TMED3: variants seen among roughly 807,000 people sequenced by gnomAD.
The protein encoded by TMED3 is transmembrane p24 trafficking protein 3, also known as transmembrane emp24 domain-containing protein 3.
A neutral mutation model predicts 15.0 loss-of-function variants in TMED3; 9 were observed. That is an observed-to-expected ratio of 0.60 (90% confidence interval 0.36 to 1.04). The LOEUF is 1.04. Among genes scored for constraint, TMED3 ranks in the 50% least tolerant of loss-of-function variants. The probability of loss-of-function intolerance (pLI) is 0.01; values close to 1 mark genes in which losing one functional copy is unlikely to be tolerated. For synonymous variants in TMED3, 117 were observed against 121.4 expected, an observed-to-expected ratio of 0.96 and a Z score of 0.24; for missense variants, 267 against 278.9, an observed-to-expected ratio of 0.96 and a Z score of 0.30.
chr15:79,324,663 G>T (rs759080478), downstream of TMED3, among the ~76,000 whole-genome samples: 1 of 152,136 alleles, frequency 6.6e-6, no homozygotes, highest in Non-Finnish European at 1.5e-5. Flanking sequence ...CTTTAAAAAT[G>T]TATGAGGCTT....
intron 2 of TMED3, chr15:79,315,874 G>T (rs2058738354): frequency 6.6e-6 from 1 of 152,264 alleles, no homozygotes; most frequent in Admixed American, 6.5e-5. Context: ...AAGGAGCGCA[G>T]CCCTGCAAGC....
chr15:79,314,454 A>G (rs144723711), intron 2 of TMED3: 1 of 434,840 alleles, frequency 2.3e-6, no homozygotes, highest in African/African-American at 2.0e-5. Flanking sequence ...TGCATAATCT[A>G]GAAAAGGTTG....
At chr15:79,312,099 G>A (rs2058718200) in intron 1 of TMED3, among the ~76,000 whole-genome samples, 2 of 152,170 alleles carry the variant, frequency 1.3e-5, no homozygotes, top group South Asian at 4.1e-4. Flanking sequence ...AGTCTGCCCC[G>A]ATATTTAGTG....
chr15:79,328,798 G>A (rs1342856720), intron 2 of TMED3, among the ~76,000 whole-genome samples: 1 of 152,170 alleles, frequency 6.6e-6, no homozygotes, highest in East Asian at 1.9e-4. Context: ...GGGGTGGGAG[G>A]ACACTGTAGC....
chr15:79,408,026 C>T (rs753575539), intron 2 of TMED3, among the ~76,000 whole-genome samples: 7 of 152,138 alleles, frequency 4.6e-5, no homozygotes, highest in African/African-American at 1.7e-4. Context: ...TTTACAAAGT[C>T]GTTGGAAAGA....
chr15:79,350,149 G>A (rs575123191), intron 2 of TMED3, among the ~76,000 whole-genome samples: 1 of 152,326 alleles, frequency 6.6e-6, no homozygotes, highest in East Asian at 1.9e-4. Flanking sequence ...AGGATGAATA[G>A]ATGGATAGAT....
intron 2 of TMED3, among the ~76,000 whole-genome samples, chr15:79,328,493 G>A (rs56187830): frequency 6.6e-6 from 1 of 152,078 alleles, no homozygotes; most frequent in African/African-American, 2.4e-5. Flanking sequence ...CCTGGGACGC[G>A]ACCTTTGGTT....
At position 79,313,815 on chromosome 15, in the gene TMED3, C is replaced by T. The variant is rs767990446; in HGVS notation, c.227C>T (p.Thr76Ile). Reference sequence around the variant, plus strand: ...TATGTAGAGGACCCCCAGGGGAACACCATCTACAGAGAAACGAAGAAGCAG... The same window carrying T: ...TATGTAGAGGACCCCCAGGGGAACATCATCTACAGAGAAACGAAGAAGCAG... ...DCYVEDPQGN[T>I]IYRETKKQYD... Residue 76 changes from threonine (T) to isoleucine (I), a missense_variant, in exon 2 of 3, where the codon ACC (threonine) becomes ATC (isoleucine). Coordinates refer to ENST00000299705, the MANE Select transcript of TMED3 (RefSeq NM_007364.4). 1.1e-5 allele frequency: 17 copies of T among 1,614,076 alleles called. No homozygotes were observed. In the African/African-American group the frequency reaches 1.7e-4, roughly 16 times the overall value.
At chr15:79,347,680 G>A (rs960220926) in intron 2 of TMED3, among the ~76,000 whole-genome samples, 4 of 152,226 alleles carry the variant, frequency 2.6e-5, no homozygotes, top group Non-Finnish European at 2.9e-5. Flanking sequence ...GAACTTCAGC[G>A]TAGTCTCAGC....
chr15:79,413,628 T>A (rs1894025160), exon 3 of TMED3: 1 of 152,242 alleles, frequency 6.6e-6, no homozygotes, highest in East Asian at 1.9e-4. Context: ...GATCATGTGC[T>A]AGGTACTGGG....
At chr15:79,395,222 C>A (rs10438295) in intron 2 of TMED3, among the ~76,000 whole-genome samples, 22,153 of 152,118 alleles carry the variant, frequency 0.15, 1,712 homozygotes, top group East Asian at 0.2. Context: ...TCTTGTTGCC[C>A]AGGCTGGAGT....
At chr15:79,315,828 C>A (rs1876439) in intron 2 of TMED3, 150,385 of 152,380 alleles carry the variant, frequency 0.99, 74,244 homozygotes, top group East Asian at 1. Context: ...TTGTGCCAGC[C>A]GTGGATGGCT....
intron 2 of TMED3, among the ~76,000 whole-genome samples, chr15:79,392,496 G>A (rs906639841): frequency 6.6e-6 from 1 of 152,088 alleles, no homozygotes; most frequent in African/African-American, 2.4e-5. Context: ...TTCCCTTGTA[G>A]GTTACCTGGT....
At chr15:79,384,220 A>G (rs555040336) in intron 2 of TMED3, 5 of 152,378 alleles carry the variant, frequency 3.3e-5, no homozygotes, top group Non-Finnish European at 7.3e-5. Context: ...AGTGATTAAT[A>G]CTAAACAAAG....
chr15:79,387,319 T>A (rs533169833), intron 2 of TMED3, among the ~76,000 whole-genome samples: 1 of 152,360 alleles, frequency 6.6e-6, no homozygotes, highest in South Asian at 2.1e-4. Context: ...TGTCCCCCTC[T>A]GCTTTGCAGT....
chr15:79,385,015 T>G (rs1451282787), intron 2 of TMED3, among the ~76,000 whole-genome samples: 1 of 152,062 alleles, frequency 6.6e-6, no homozygotes, highest in East Asian at 1.9e-4. Flanking sequence ...AACTTAACCA[T>G]GGAGAATGAA....
At chr15:79,351,687 G>A (rs1962718) in intron 2 of TMED3, among the ~76,000 whole-genome samples, 68,703 of 151,860 alleles carry the variant, frequency 0.45, 15,750 homozygotes, top group African/African-American at 0.52. Flanking sequence ...AGAACTATAA[G>A]TAGCACTACC....
chr15:79,342,872 A>G (rs2058856522), intron 2 of TMED3, among the ~76,000 whole-genome samples: 1 of 152,244 alleles, frequency 6.6e-6, no homozygotes, highest in Admixed American at 6.5e-5. Flanking sequence ...ATAAACAGAT[A>G]AAGTAGTAAA....
chr15:79,386,676 T>C (rs927811604), intron 2 of TMED3, among the ~76,000 whole-genome samples: 8 of 150,904 alleles, frequency 5.3e-5, no homozygotes, highest in Admixed American at 4.6e-4. Flanking sequence ...GTAGCTGGGA[T>C]TACAGGTGTG....
Sources: gnomAD v4.1 joint callset for allele counts (sites outside exome capture counted in the v4.1 genomes callset) on GRCh38, gnomAD v4.1.1 for gene constraint, MANE v1.5 for transcripts, NCBI Gene and HGNC (gene_info 2026-07-23, HGNC 2026-07-21) for gene names.